Variants in MORN5 observed in about 807,000 individuals in gnomAD.
The protein encoded by MORN5 is MORN repeat containing 5.
In MORN5, 21 loss-of-function variants were observed where a neutral mutation model predicts 22.1. The ratio of observed to expected loss-of-function variants is 0.95; its 90% CI spans 0.67 to 1.37. The LOEUF (loss-of-function observed/expected upper bound fraction) is 1.37. Among genes scored for constraint, MORN5 ranks in the 40% most tolerant of loss-of-function variants. MORN5 has a pLI of 0.00. For missense variants in MORN5, 211 were observed against 215.1 expected (o/e 0.98, Z 0.12); for synonymous variants, 73 against 74.0 (o/e 0.99, Z 0.07).
intron 3 of MORN5, among the ~76,000 whole-genome samples, chr9:122,174,129 C>T (rs564608320): frequency 5.6e-4 from 85 of 152,312 alleles, no homozygotes; most frequent in African/African-American, 2.0e-3. Context: ...GCTTTGAATG[C>T]CACCCCTCTT....
intron 2 of MORN5, among the ~76,000 whole-genome samples, chr9:122,167,229 G>A (rs758607907): frequency 1.3e-5 from 2 of 150,508 alleles, no homozygotes; most frequent in South Asian, 4.2e-4. Context: ...TGTATTTTTA[G>A]TAGAGATTGG....
intron 4 of MORN5, among the ~76,000 whole-genome samples, chr9:122,183,939 C>T (rs768053605): frequency 6.6e-6 from 1 of 152,114 alleles, no homozygotes; most frequent in Non-Finnish European, 1.5e-5. Context: ...AAACCACAAG[C>T]CTCATTTGAA....
intron 4 of MORN5, among the ~76,000 whole-genome samples, chr9:122,193,763 G>A (rs1352717900): frequency 2.0e-5 from 3 of 152,226 alleles, no homozygotes; most frequent in Non-Finnish European, 4.4e-5. Flanking sequence ...AAGGAGGAAG[G>A]GTGGTCCCTT....
In MORN5 at chr9:122,197,986, C is replaced by T. The variant is rs1361843344; in HGVS notation, c.440-1899C>T. Among the ~76,000 whole-genome samples, 3 of 152,176 alleles carry T rather than the reference C, an allele frequency of 2.0e-5. No individual in the cohort carries two copies. The highest frequency in any genetic ancestry group is 4.4e-5 in the Non-Finnish European group (3 of 68,032). On this transcript the variant is annotated intron_variant, in intron 4 of 4. Coordinates refer to ENST00000373764, the MANE Select transcript of MORN5 (RefSeq NM_198469.4). The surrounding 1 kb of genome is among the most constrained non-coding windows in gnomAD (Gnocchi z 5.7). Reference sequence around the variant, plus strand: ...GCAGCAAGCCGTTTTCCTTAGGTCTCATGTAAAGAAATGGTGGGCAGGTGG... The same window carrying T: ...GCAGCAAGCCGTTTTCCTTAGGTCTTATGTAAAGAAATGGTGGGCAGGTGG...
chr9:122,174,546 T>C lies in MORN5; in HGVS notation c.358T>C (p.Tyr120His). 4 of 1,614,026 alleles carry C rather than the reference T, an allele frequency of 2.5e-6. No homozygotes were observed. The highest frequency in any genetic ancestry group is 3.4e-6 in the Non-Finnish European group (4 of 1,179,964). The change falls in exon 4 of 5, where the codon TAT becomes CAT. Residue 120 changes from tyrosine to histidine, a missense_variant. By Grantham distance (83) the Tyr-to-His change is moderately conservative (BLOSUM62 2). Coordinates refer to ENST00000373764, the MANE Select transcript of MORN5 (RefSeq NM_198469.4). ...MDPPRKIPKGYYDCGDGFYNP... is the reference protein window; with the variant it reads ...MDPPRKIPKGHYDCGDGFYNP... The stretch of plus-strand genomic sequence containing the variant: ...CCCACCTAGAAAAATCCCCAAGGGC[T>C]ATTACGATTGTGGAGACGGCTTCTA...
At chr9:122,196,112 C>A (rs1829883825) in intron 4 of MORN5, among the ~76,000 whole-genome samples, 1 of 151,966 alleles carries the variant, frequency 6.6e-6, no homozygotes, top group South Asian at 2.1e-4. Context: ...GTGCTTGCCA[C>A]CATGCCCAGC....
At chr9:122,187,276 G>A (rs1245763438) in intron 4 of MORN5, among the ~76,000 whole-genome samples, 1 of 152,236 alleles carries the variant, frequency 6.6e-6, no homozygotes, top group Non-Finnish European at 1.5e-5. Flanking sequence ...ATGGCAAACT[G>A]AAGTCTGGCC....
chr9:122,196,104 GC>G (rs1829883739), intron 4 of MORN5, among the ~76,000 whole-genome samples: 1 of 151,846 alleles, frequency 6.6e-6, no homozygotes, highest in East Asian at 1.9e-4. Context: ...GACCACAGGT[GC>G]TTGCCACCAT....
intron 1 of MORN5, among the ~76,000 whole-genome samples, chr9:122,166,235 TGAGATTTGG>T (rs1304081203): frequency 2.0e-5 from 3 of 151,814 alleles, no homozygotes; most frequent in African/African-American, 7.3e-5. Context: ...CAATTCCCGA[TGAGATTTGG>T]GTGGGGACAC....
intron 4 of MORN5, among the ~76,000 whole-genome samples, chr9:122,198,676 G>A (rs7030904): frequency 0.028 from 4,204 of 152,300 alleles, 159 homozygotes; most frequent in African/African-American, 0.088. Context: ...CCACGTATCT[G>A]TGAAGGAGTG....
chr9:122,184,234 C>T (rs898335509), intron 4 of MORN5, among the ~76,000 whole-genome samples: 6 of 152,188 alleles, frequency 3.9e-5, no homozygotes, highest in Non-Finnish European at 5.9e-5. Flanking sequence ...CACTCAGGCT[C>T]GCCTGCCTCC....
intron 4 of MORN5, among the ~76,000 whole-genome samples, chr9:122,184,186 G>A (rs939790065): frequency 2.0e-5 from 3 of 152,176 alleles, no homozygotes; most frequent in Non-Finnish European, 4.4e-5. Context: ...GTGGGGTTAA[G>A]GAATTTCCCC....
At chr9:122,175,806 C>T in intron 4 of MORN5, 1 of 696,024 alleles carries the variant, frequency 1.4e-6, no homozygotes, top group Non-Finnish European at 1.8e-6. Flanking sequence ...AAAGGTGCCT[C>T]ATGGGGCTAG....
At chr9:122,183,174 G>C (rs925596278) in intron 4 of MORN5, among the ~76,000 whole-genome samples, 2 of 152,216 alleles carry the variant, frequency 1.3e-5, no homozygotes, top group Admixed American at 6.5e-5. Flanking sequence ...TTTATACACT[G>C]TGAGCTAATA....
chr9:122,169,983 G>A (rs952253949), intron 3 of MORN5, among the ~76,000 whole-genome samples: 7 of 152,184 alleles, frequency 4.6e-5, no homozygotes, highest in African/African-American at 7.2e-5. Context: ...TACCCACTGC[G>A]CCTCAGTTTC....
intron 3 of MORN5, among the ~76,000 whole-genome samples, chr9:122,172,314 G>C (rs1020718826): frequency 3.4e-4 from 42 of 121,884 alleles, no homozygotes; most frequent in African/African-American, 1.3e-3. Flanking sequence ...CCCGCCCCTT[G>C]AGTGCTCCCT....
chr9:122,166,280 T>TTATATATATATATATATATATATATATA (rs145965768), intron 1 of MORN5, among the ~76,000 whole-genome samples: 18 of 149,648 alleles, frequency 1.2e-4, no homozygotes, highest in African/African-American at 4.0e-4. Flanking sequence ...GTATCCAAGA[T>TTATATATATATATATATATATATATATA]TATATATATA....
In MORN5 at chr9:122,159,960, A is replaced by G. The variant is rs1411836308; in HGVS notation, c.-13A>G. ...CTCCGGATCCTAACAGCTGGAAGCT[A>G]AAAACAGGCGCCATGGAGTACACAG... On this transcript the variant is annotated 5_prime_UTR_variant, in exon 1 of 5. It removes the in-frame stop codon of an upstream open reading frame in the 5' UTR. Transcript: ENST00000373764. The G allele has an allele frequency of 1.9e-6, 3 of 1,613,562 alleles. No homozygotes were observed. Among genetic ancestry groups the G allele is most frequent in the Non-Finnish European group, 1.7e-6 (2 of 1,179,606 alleles).
chr9:122,178,147 C>T (rs1829481508), intron 4 of MORN5, among the ~76,000 whole-genome samples: 1 of 152,186 alleles, frequency 6.6e-6, no homozygotes, highest in East Asian at 1.9e-4. Flanking sequence ...ATCTCTTGAG[C>T]CCAGGAGTTT....
Sources: allele counts gnomAD v4.1 joint callset (sites outside exome capture counted in the v4.1 genomes callset), GRCh38; gene constraint gnomAD v4.1.1; non-coding constraint Gnocchi (gnomAD v3.1); transcripts MANE v1.5; gene names NCBI Gene and HGNC (gene_info 2026-07-23, HGNC 2026-07-21).